Variants in LRCH1 observed in about 807,000 individuals in gnomAD.
LRCH1 encodes leucine rich repeats and calponin homology domain containing 1, also known as leucine-rich repeat and calponin homology domain-containing protein 1.
LRCH1 carries 23 observed loss-of-function variants against 94.9 expected under a neutral mutation model. That is an observed-to-expected ratio of 0.24 (90% CI 0.17 to 0.34). LRCH1 has a LOEUF of 0.34. LRCH1 is among the 10% of genes least tolerant of loss of function. LRCH1 has a pLI of 1.00. For missense variants in LRCH1, 790 were observed against 945.9 expected (o/e 0.84, Z 2.16); for synonymous variants, 364 against 354.9 (o/e 1.03, Z -0.29).
intron 1 of LRCH1, among the ~76,000 whole-genome samples, chr13:46,588,232 T>C (rs964328456): frequency 5.3e-5 from 8 of 152,200 alleles, no homozygotes; most frequent in African/African-American, 1.9e-4. Context: ...ATATTTTTTA[T>C]TTACATAGTC....
intron 1 of LRCH1, among the ~76,000 whole-genome samples, chr13:46,591,924 A>G (rs1187355952): frequency 1.3e-5 from 2 of 152,190 alleles, no homozygotes; most frequent in African/African-American, 4.8e-5. Flanking sequence ...TCATTCTTGA[A>G]CTTTGCCGTG....
intron 1 of LRCH1, among the ~76,000 whole-genome samples, chr13:46,603,759 C>T (rs965660594): frequency 3.9e-5 from 6 of 152,166 alleles, no homozygotes; most frequent in Non-Finnish European, 5.9e-5. Context: ...TGGGCTCAAG[C>T]GATCCTCCCA....
intron 1 of LRCH1, among the ~76,000 whole-genome samples, chr13:46,589,775 A>T (rs1031167958): frequency 1.3e-5 from 2 of 151,146 alleles, no homozygotes; most frequent in African/African-American, 4.9e-5. Context: ...TAATTTTTGT[A>T]TTTTTAGTAG....
At chr13:46,651,853 AC>A (rs2051305336) in intron 2 of LRCH1, among the ~76,000 whole-genome samples, 1 of 139,890 alleles carries the variant, frequency 7.1e-6, no homozygotes. Context: ...GGCGCCGGCC[AC>A]CAGGCCTGCT....
rs184355575 is a variant in LRCH1, at chr13:46,585,363, G to A, written c.307+31660G>A. On this transcript the variant is annotated intron_variant, in intron 1 of 19. Transcript: ENST00000389797. The stretch of plus-strand genomic sequence containing the variant: ...GAGGCCGAGGCAGGCGGATCACGAG[G>A]TCAGGAGATCAAGACCATTCTCGCT... Among the ~76,000 whole-genome samples the A allele has an allele frequency of 8.2e-4, 125 of 152,118 alleles. No individual in the cohort carries two copies. In the East Asian group the frequency reaches 0.018, roughly 22 times the overall value.
chr13:46,585,468 T>C (rs1263834990), intron 1 of LRCH1, among the ~76,000 whole-genome samples: 1 of 149,826 alleles, frequency 6.7e-6, no homozygotes, highest in East Asian at 2.0e-4. Flanking sequence ...TCCCAGCTAC[T>C]CGTGAATCTG....
chr13:46,690,641 G>A (rs1257509338), intron 7 of LRCH1, among the ~76,000 whole-genome samples: 1 of 152,198 alleles, frequency 6.6e-6, no homozygotes, highest in Non-Finnish European at 1.5e-5. Context: ...TTTAAGATGA[G>A]AGGTGGGTAG....
At chr13:46,686,148 A>G in intron 5 of LRCH1, 107 bp downstream of exon 5, 1 of 1,147,670 alleles carries the variant, frequency 8.7e-7, no homozygotes, top group South Asian at 3.0e-5. Flanking sequence ...ATCACTAATC[A>G]CTGGCAAGCG....
intron 1 of LRCH1, among the ~76,000 whole-genome samples, chr13:46,643,710 T>C (rs2051187249): frequency 6.6e-6 from 1 of 152,158 alleles, no homozygotes; most frequent in Non-Finnish European, 1.5e-5. Context: ...TTTTGCACCC[T>C]CTTCCTCTCT....
chr13:46,665,408 A>G (rs1593336259), intron 2 of LRCH1, among the ~76,000 whole-genome samples: 1 of 152,342 alleles, frequency 6.6e-6, no homozygotes, highest in East Asian at 1.9e-4. Context: ...GGATAGTGGT[A>G]CTTGAAGCCA....
chr13:46,645,718 ATT>A (rs1366812556), intron 1 of LRCH1, among the ~76,000 whole-genome samples: 1 of 152,158 alleles, frequency 6.6e-6, no homozygotes, highest in Admixed American at 6.5e-5. Flanking sequence ...TCTATTATTA[ATT>A]TTATGTCCCA....
chr13:46,689,239 C>T, intron 7 of LRCH1, 43 bp downstream of exon 7: 2 of 1,476,500 alleles, frequency 1.4e-6, no homozygotes, highest in Non-Finnish European at 1.9e-6. Flanking sequence ...TACTTCTAGA[C>T]ATATCTACCA....
chr13:46,731,016 GA>G (rs1018068542), intron 18 of LRCH1, among the ~76,000 whole-genome samples: 6 of 149,646 alleles, frequency 4.0e-5, no homozygotes, highest in African/African-American at 1.5e-4. Context: ...AGTGACTGGT[GA>G]AAAAAAGAAA....
chr13:46,748,659 C>T (rs1297279229), downstream of LRCH1, among the ~76,000 whole-genome samples: 2 of 152,190 alleles, frequency 1.3e-5, no homozygotes, highest in Non-Finnish European at 2.9e-5. Flanking sequence ...ACAGAACTCC[C>T]CCATCCTTTC....
intron 1 of LRCH1, among the ~76,000 whole-genome samples, chr13:46,580,130 C>T (rs2050348498): frequency 6.6e-6 from 1 of 152,184 alleles, no homozygotes; most frequent in Admixed American, 6.5e-5. Flanking sequence ...CCTCCTACTG[C>T]CTCTAATTTT....
chr13:46,737,935 G>C (rs768302968), intron 19 of LRCH1, among the ~76,000 whole-genome samples: 1 of 152,138 alleles, frequency 6.6e-6, no homozygotes, highest in Non-Finnish European at 1.5e-5. Context: ...TTAGGAAATA[G>C]ATATTTATTT....
At chr13:46,636,849 C>G (rs1251781633) in intron 1 of LRCH1, among the ~76,000 whole-genome samples, 2 of 152,180 alleles carry the variant, frequency 1.3e-5, no homozygotes, top group African/African-American at 4.8e-5. Flanking sequence ...CTTGTTGCCT[C>G]TGTAGGTTGG....
chr13:46,681,370 C>T (rs186311245), intron 3 of LRCH1, among the ~76,000 whole-genome samples: 63 of 152,260 alleles, frequency 4.1e-4, no homozygotes, highest in Non-Finnish European at 6.5e-4. Context: ...ATGCTTTGGG[C>T]GACTGGCTAA....
intron 1 of LRCH1, among the ~76,000 whole-genome samples, chr13:46,622,985 G>T (rs552317823): frequency 2.6e-5 from 4 of 152,322 alleles, no homozygotes; most frequent in African/African-American, 9.6e-5. Context: ...GGAGAGACTC[G>T]TGGTGTAATA....
Sources: allele counts gnomAD v4.1 joint callset (sites outside exome capture counted in the v4.1 genomes callset), GRCh38; gene constraint gnomAD v4.1.1; transcripts MANE v1.5; gene names NCBI Gene and HGNC (gene_info 2026-07-23, HGNC 2026-07-21).